Variants in SPOCK3 observed in about 807,000 individuals in gnomAD.
SPOCK3 encodes testican-3.
SPOCK3 carries 30 observed loss-of-function variants against 56.6 expected under a neutral mutation model. The observed-to-expected ratio is 0.53, with a 90% CI of 0.40 to 0.72. The LOEUF (loss-of-function observed/expected upper bound fraction) is 0.72, where lower values mean the gene tolerates loss of function less well. Ranked by LOEUF, SPOCK3 falls within the 30% of genes least tolerant of loss-of-function variation. The pLI is 0.00. For missense variants in SPOCK3, 527 were observed against 530.0 expected, an observed-to-expected ratio of 0.99 and a Z score of 0.06; for synonymous variants, 196 against 183.3, an observed-to-expected ratio of 1.07 and a Z score of -0.56.
intron 4 of SPOCK3, among the ~76,000 whole-genome samples, chr4:166,999,533 A>G (rs947776384): frequency 1.3e-5 from 2 of 152,188 alleles, no homozygotes; most frequent in Non-Finnish European, 2.9e-5. Context: ...GCACACACAA[A>G]TAGCAAAATT....
intron 5 of SPOCK3, among the ~76,000 whole-genome samples, chr4:166,890,026 T>C (rs959501396): frequency 1.3e-5 from 2 of 151,988 alleles, no homozygotes; most frequent in African/African-American, 4.8e-5. Context: ...TAGACTGAAC[T>C]TCCCATAGGT....
chr4:167,218,350 G>A (rs1384808553), intron 2 of SPOCK3, among the ~76,000 whole-genome samples: 1 of 152,134 alleles, frequency 6.6e-6, no homozygotes, highest in Non-Finnish European at 1.5e-5. Flanking sequence ...ACTAGCACCA[G>A]GGGTGCTTTT....
intron 8 of SPOCK3, among the ~76,000 whole-genome samples, chr4:166,746,639 A>C (rs1380519511): frequency 1.8e-4 from 27 of 152,102 alleles, no homozygotes; most frequent in Non-Finnish European, 3.2e-4. Context: ...AAGATCAGAG[A>C]AGAACTGAAG....
chr4:167,033,161 A>G (rs897450580), intron 3 of SPOCK3, among the ~76,000 whole-genome samples: 3 of 151,862 alleles, frequency 2.0e-5, no homozygotes, highest in Non-Finnish European at 2.9e-5. Context: ...GGAGTGGGAA[A>G]TCACCAGTGC....
intron 2 of SPOCK3, among the ~76,000 whole-genome samples, chr4:167,216,565 T>A (rs970497189): frequency 1.3e-5 from 2 of 151,982 alleles, no homozygotes; most frequent in South Asian, 4.1e-4. Flanking sequence ...AGCGATTTGA[T>A]TGGGAACGCT....
chr4:167,104,121 C>A (rs1759887256), intron 2 of SPOCK3, among the ~76,000 whole-genome samples: 1 of 152,116 alleles, frequency 6.6e-6, no homozygotes, highest in Non-Finnish European at 1.5e-5. Flanking sequence ...CAGGTACGAA[C>A]AAGCCCAATT....
At chr4:166,969,533 T>C (rs1745143077) in intron 4 of SPOCK3, among the ~76,000 whole-genome samples, 1 of 152,118 alleles carries the variant, frequency 6.6e-6, no homozygotes. Flanking sequence ...TTTAACACTT[T>C]TAACACATTA....
rs1270852084 is a variant in SPOCK3 at position 166,748,569 on chromosome 4, G to T, written c.931+5939C>A. ...CCTAGGCAATACCATTCAGGACATA[G>T]GCATGGGCAAAGACTTCATGTCTAA... On this transcript the variant is annotated intron_variant, in intron 8 of 10. Transcript: ENST00000357545. Among the ~76,000 whole-genome samples, 30 of 136,704 alleles carry T rather than the reference G, an allele frequency of 2.2e-4. 6 individuals carry two copies. The highest frequency in any genetic ancestry group is 1.6e-5 in the Non-Finnish European group (1 of 64,480). 89.7% of individuals were successfully genotyped at this position (136,704 alleles called of 152,430 possible).
chr4:167,057,186 A>G lies in SPOCK3; in HGVS notation c.235+5306T>C, dbSNP rs564752279. ...CCAGGATTTCATATCCAGCCAAACT[A>G]AGCTTCATAAGTGAAGGAGAAATAA... On this transcript the variant is annotated intron_variant, in intron 3 of 10. Transcript: ENST00000357545. Among the ~76,000 whole-genome samples the G allele has an allele frequency of 2.0e-5, 3 of 152,302 alleles. No individual in the cohort carries two copies. The South Asian group carries it at 6.2e-4, about 32-fold the overall frequency.
chr4:167,146,528 G>A (rs970328528), intron 2 of SPOCK3, among the ~76,000 whole-genome samples: 5 of 151,848 alleles, frequency 3.3e-5, no homozygotes, highest in African/African-American at 7.3e-5. Flanking sequence ...GCACCACATC[G>A]CACTTATTCT....
intron 8 of SPOCK3, among the ~76,000 whole-genome samples, chr4:166,745,770 C>G (rs559791754): frequency 1.3e-5 from 2 of 152,000 alleles, no homozygotes; most frequent in Non-Finnish European, 2.9e-5. Context: ...CACACATAGG[C>G]TCAAAATAAA....
In SPOCK3 at chr4:167,071,671, C is replaced by T. The variant is rs371671653; in HGVS notation, c.190-9134G>A. On this transcript the variant is annotated intron_variant, in intron 2 of 10. Transcript: ENST00000357545. ...AAGTCTTTGATATTGTGAATAGTGC[C>T]GCAATAAACATAGGTGTGCATGTGT... Among the ~76,000 whole-genome samples, 116 of 151,842 alleles carry T rather than the reference C, an allele frequency of 7.6e-4. 3 individuals carry two copies. The South Asian group carries it at 9.1e-3, about 12-fold the overall frequency.
chr4:167,020,720 T>C (rs1333449470), intron 3 of SPOCK3, among the ~76,000 whole-genome samples: 2 of 152,064 alleles, frequency 1.3e-5, no homozygotes, highest in East Asian at 1.9e-4. Flanking sequence ...AAGCCTGTGG[T>C]ATTTTGTTTT....
At position 166,792,440 on chromosome 4, in the gene SPOCK3, C is replaced by T. The variant is rs1741459180; in HGVS notation, c.590-151G>A. On this transcript the variant is annotated intron_variant, in intron 6 of 10. Transcript: ENST00000357545. ...AGCTTTTTCAAAGTTAAATATATGC[C>T]TTAAAATAAGATGTAATATGACAAA... The T allele has an allele frequency of 1.0e-5, 7 of 690,872 alleles. No individual in the cohort carries two copies. In the South Asian group the frequency reaches 1.5e-4, roughly 15 times the overall value. 42.8% of individuals were successfully genotyped at this position (690,872 alleles called of 1,614,324 possible). A position where few individuals can be genotyped will look rare whatever the true frequency, so the allele number is the denominator to read the frequency against.
intron 4 of SPOCK3, among the ~76,000 whole-genome samples, chr4:166,978,207 T>C (rs573142423): frequency 6.6e-6 from 1 of 152,294 alleles, no homozygotes; most frequent in African/African-American, 2.4e-5. Context: ...TACTTCTCTT[T>C]CCAATTCATA....
intron 6 of SPOCK3, among the ~76,000 whole-genome samples, chr4:166,851,337 C>T (rs1160682300): frequency 6.6e-6 from 1 of 152,106 alleles, no homozygotes; most frequent in Non-Finnish European, 1.5e-5. Flanking sequence ...TCATCAAAGA[C>T]CAAAAGTAGA....
chr4:166,894,957 C>T (rs1236842449), intron 5 of SPOCK3, among the ~76,000 whole-genome samples: 2 of 152,070 alleles, frequency 1.3e-5, no homozygotes, highest in African/African-American at 2.4e-5. Context: ...AAGAAAACAA[C>T]TGGACACATG....
At chr4:167,109,694 A>G (rs1022838085) in intron 2 of SPOCK3, among the ~76,000 whole-genome samples, 1 of 149,548 alleles carries the variant, frequency 6.7e-6, no homozygotes, top group South Asian at 2.1e-4. Flanking sequence ...ATACAAAAGT[A>G]TATGCTAAGA....
intron 2 of SPOCK3, among the ~76,000 whole-genome samples, chr4:167,108,972 T>TATTTATATAA (rs1760447894): frequency 7.7e-5 from 4 of 51,650 alleles, no homozygotes; most frequent in African/African-American, 1.6e-4. Context: ...TATAAATATA[T>TATTTATATAA]AAATATTATA....
Sources: gnomAD v4.1 joint callset for allele counts (sites outside exome capture counted in the v4.1 genomes callset) on GRCh38, gnomAD v4.1.1 for gene constraint, MANE v1.5 for transcripts, NCBI Gene and HGNC (gene_info 2026-07-23, HGNC 2026-07-21) for gene names.